TPST2: variants seen among roughly 807,000 people sequenced by gnomAD.
TPST2 encodes protein-tyrosine sulfotransferase 2.
In TPST2, 16 loss-of-function variants were observed where a neutral mutation model predicts 27.8. The observed-to-expected ratio is 0.58, with a 90% CI of 0.39 to 0.88. TPST2 has a LOEUF of 0.88. Among genes scored for constraint, TPST2 ranks in the 40% least tolerant of loss-of-function variants. The pLI is 0.00. For missense variants in TPST2, 464 were observed against 543.1 expected, an observed-to-expected ratio of 0.85 and a Z score of 1.45; for synonymous variants, 229 against 231.7, an observed-to-expected ratio of 0.99 and a Z score of 0.10.
chr22:26,572,780 T>C (rs1272138059), intron 1 of TPST2, among the ~76,000 whole-genome samples: 1 of 152,198 alleles, frequency 6.6e-6, no homozygotes, highest in African/African-American at 2.4e-5. Flanking sequence ...GTGGGTTTTT[T>C]TTCTTCTTCT....
In TPST2 at chr22:26,541,121, C is replaced by G. The variant is rs5761587; in HGVS notation, c.510G>C (p.Ser170=). The change falls in exon 3 of 7, where the codon TCG becomes TCC. Residue 170 remains serine (S), a synonymous_variant. Transcript: ENST00000338754. This position sits in a 1 kb window ranked among gnomAD's most constrained non-coding sequence, Gnocchi z 5.9. ...PFTLKSSVYL[S]RLFPNSKFLL... ...GGAACTTGGAGTTGGGGAACAGGCG[C>G]GACAGGTAGACCGAGGACTTGAGCG... 6.2e-7 allele frequency: 1 copy of G among 1,607,362 alleles called. No individual in the cohort carries two copies. Among genetic ancestry groups the G allele is most frequent in the Non-Finnish European group, 8.5e-7 (1 of 1,175,362 alleles).
chr22:26,577,052 C>A (rs1368127943), intron 1 of TPST2, among the ~76,000 whole-genome samples: 2 of 148,440 alleles, frequency 1.3e-5, no homozygotes, highest in African/African-American at 5.0e-5. Flanking sequence ...GCTGAGATTG[C>A]GCCACTGCAC....
At chr22:26,586,999 G>A (rs1456481237) in intron 1 of TPST2, among the ~76,000 whole-genome samples, 1 of 152,178 alleles carries the variant, frequency 6.6e-6, no homozygotes, top group Admixed American at 6.5e-5. Flanking sequence ...TCTCAGGCCT[G>A]GGGGGTGGCC....
At chr22:26,540,615 A>G (rs1264721107) in intron 3 of TPST2, among the ~76,000 whole-genome samples, 174 bp downstream of exon 3, 1 of 152,204 alleles carries the variant, frequency 6.6e-6, no homozygotes. Context: ...AGATTCTCTC[A>G]GAAAGGAGAG....
At chr22:26,544,980 T>C (rs1039949024) in intron 1 of TPST2, among the ~76,000 whole-genome samples, 3 of 152,160 alleles carry the variant, frequency 2.0e-5, no homozygotes, top group Non-Finnish European at 4.4e-5. Flanking sequence ...TCTCCCCTCC[T>C]CTTGGCCTAG....
chr22:26,562,877 C>T (rs59182975), intron 1 of TPST2, among the ~76,000 whole-genome samples: 3,543 of 152,208 alleles, frequency 0.023, 138 homozygotes, highest in African/African-American at 0.081. Context: ...CCCGCCTCGG[C>T]CTCCCAAAGT....
intron 1 of TPST2, among the ~76,000 whole-genome samples, chr22:26,572,420 C>G (rs1927665556): frequency 6.6e-6 from 1 of 152,170 alleles, no homozygotes; most frequent in South Asian, 2.1e-4. Flanking sequence ...TTACTTGAGT[C>G]CTTGGATCTA....
At chr22:26,546,528 C>T (rs907539351) in intron 1 of TPST2, among the ~76,000 whole-genome samples, 3 of 152,260 alleles carry the variant, frequency 2.0e-5, no homozygotes, top group East Asian at 1.9e-4. Context: ...CCATGGCCCA[C>T]GAGCCCAGCC....
chr22:26,527,264 T>A lies in TPST2; in HGVS notation c.*7+950A>T, dbSNP rs202001742. ...AGGTGTTTCCATGTAAAATAACCTC[T>A]CTTGAGGTTTCCTTTAACCTGATCA... On this transcript the variant is annotated intron_variant, in intron 6 of 6. Transcript: ENST00000338754. Among the ~76,000 whole-genome samples the A allele has an allele frequency of 3.9e-5, 6 of 152,202 alleles. No individual in the cohort carries two copies. In the East Asian group the frequency reaches 1.2e-3, roughly 29 times the overall value.
At chr22:26,550,657 T>G in intron 1 of TPST2, 1 of 985,728 alleles carries the variant, frequency 1.0e-6, no homozygotes, top group Non-Finnish European at 1.2e-6. Flanking sequence ...CTGCAATTCC[T>G]CCCCATGGGA....
At chr22:26,555,327 TG>T (rs746874366) in intron 1 of TPST2, 1 of 509,638 alleles carries the variant, frequency 2.0e-6, no homozygotes, top group Non-Finnish European at 3.9e-6. Context: ...GCTGCCCACC[TG>T]GGCCAGGCTC....
At chr22:26,542,300 G>A (rs961271617) in intron 2 of TPST2, among the ~76,000 whole-genome samples, 6 of 149,746 alleles carry the variant, frequency 4.0e-5, no homozygotes, top group East Asian at 3.9e-4. Flanking sequence ...AGCTCACTGC[G>A]GCCTCGGACT....
rs1308459379 is a variant in TPST2, at chr22:26,526,275, T to C, written c.*8-8A>G. ...GAAGTCATTTGCGGAGATCTGAAAG[T>C]GGGGAAGACTGTGTTAGGCTCAGAG... is the stretch of plus-strand genomic sequence containing the variant. On this transcript the variant is annotated splice_region_variant and splice_polypyrimidine_tract_variant and intron_variant, in intron 6 of 6. Coordinates refer to ENST00000338754, the MANE Select transcript of TPST2 (RefSeq NM_003595.5). The C allele has an allele frequency of 2.6e-5, 4 of 152,232 alleles. No individual in the cohort carries two copies. The highest frequency in any genetic ancestry group is 1.9e-4 in the East Asian group (1 of 5,202). 9.4% of individuals were successfully genotyped at this position (152,232 alleles called of 1,614,324 possible).
At chr22:26,564,465 G>GT (rs922832777) in intron 1 of TPST2, among the ~76,000 whole-genome samples, 9 of 152,196 alleles carry the variant, frequency 5.9e-5, no homozygotes, top group African/African-American at 9.6e-5. Context: ...TGAATAACAG[G>GT]TAACGCCGGA....
chr22:26,555,142 G>T, intron 1 of TPST2: 1 of 531,538 alleles, frequency 1.9e-6, no homozygotes, highest in Non-Finnish European at 3.8e-6. Context: ...TTTTAACGTG[G>T]AGCTGAGGGA....
rs751141452 is a variant in TPST2, at chr22:26,540,871, C to T, written c.760G>A (p.Asp254Asn). 1.7e-5 allele frequency: 27 copies of T among 1,613,954 alleles called. No individual in the cohort carries two copies. The South Asian group carries it at 2.2e-4, about 13-fold the overall frequency. ...TCGCTCCAGGCGATGCCGAGGAAGT[C>T]GAGGATGAGCTTGAGTGAGCGCCTG... ...HPRRSLKLIL[D>N]FLGIAWSDAV... is the part of the protein sequence containing the mutation. The change falls in exon 3 of 7, where the codon GAC (aspartate) becomes AAC (asparagine). Residue 254 changes from aspartate to asparagine, a missense_variant. Transcript: ENST00000338754.
intron 1 of TPST2, among the ~76,000 whole-genome samples, chr22:26,580,654 AAATT>A (rs558527383): frequency 2.3e-3 from 349 of 152,350 alleles, no homozygotes; most frequent in African/African-American, 8.0e-3. Context: ...CCTAATTAAA[AAATT>A]AATGCAAAAA....
At chr22:26,529,799 G>A (rs908291570) in intron 5 of TPST2, among the ~76,000 whole-genome samples, 1 of 152,114 alleles carries the variant, frequency 6.6e-6, no homozygotes, top group African/African-American at 2.4e-5. Context: ...TGTGCCACAT[G>A]TGCCATACCC....
intron 5 of TPST2, among the ~76,000 whole-genome samples, chr22:26,532,359 C>T (rs188151948): frequency 5.5e-4 from 84 of 152,304 alleles, no homozygotes; most frequent in African/African-American, 1.9e-3. Flanking sequence ...CAGCTCACTG[C>T]GACCTCTGCC....
Sources: allele counts gnomAD v4.1 joint callset (sites outside exome capture counted in the v4.1 genomes callset), GRCh38; gene constraint gnomAD v4.1.1; non-coding constraint Gnocchi (gnomAD v3.1); transcripts MANE v1.5; gene names NCBI Gene and HGNC (gene_info 2026-07-23, HGNC 2026-07-21).